FRMD4A: variants seen among roughly 807,000 people sequenced by gnomAD.
FRMD4A encodes FERM domain-containing protein 4A.
FRMD4A carries 29 observed loss-of-function variants against 129.1 expected under a neutral mutation model. That is an observed-to-expected ratio of 0.22 (90% CI 0.17 to 0.31). FRMD4A has a LOEUF of 0.31. Among genes scored for constraint, FRMD4A ranks in the 10% least tolerant of loss-of-function variants. FRMD4A has a pLI of 1.00. For synonymous variants in FRMD4A, 634 were observed against 571.6 expected (o/e 1.11, Z -1.56); for missense variants, 1,272 against 1,375.8 (o/e 0.92, Z 1.19).
chr10:13,644,948 T>A lies in FRMD4A; in HGVS notation c.*2090A>T, dbSNP rs2081027967. 1 of 152,208 alleles carries A rather than the reference T, an allele frequency of 6.6e-6. No homozygotes were observed. The highest frequency in any genetic ancestry group is 2.1e-4 in the South Asian group (1 of 4,828). The allele number at this position is 152,208 out of a possible 1,614,324, so 9.4% of individuals were successfully genotyped here. On this transcript the variant is annotated 3_prime_UTR_variant, in exon 25 of 25. Transcript: ENST00000357447. ...ACTTAAAGCGTTCTGGGAATATGAATCCCTTCTGCACCCTGGAATCACCAG... is the reference window on the plus strand; with the variant it reads ...ACTTAAAGCGTTCTGGGAATATGAAACCCTTCTGCACCCTGGAATCACCAG...
At chr10:13,666,402 C>T in intron 17 of FRMD4A, 77 bp from the exon 18 acceptor site, 1 of 998,022 alleles carries the variant, frequency 1.0e-6, no homozygotes, top group Non-Finnish European at 1.6e-6. Context: ...TCCCCTGTCC[C>T]AAGGCAAGTC....
rs1373513195 is a variant in FRMD4A, at chr10:13,821,025, C to T, written c.112-10117G>A. Among the ~76,000 whole-genome samples the T allele has an allele frequency of 3.3e-5, 5 of 152,180 alleles. No homozygotes were observed. In the South Asian group the frequency reaches 6.2e-4, roughly 19 times the overall value. The stretch of plus-strand genomic sequence containing the variant: ...GAATAAATGAGCCTGAGCAAGCTGC[C>T]GGGTCTGAAGCCTGGGCTGTCACTG... On this transcript the variant is annotated intron_variant, in intron 3 of 24. Coordinates refer to ENST00000357447, the MANE Select transcript of FRMD4A (RefSeq NM_018027.5). This position sits in a 1 kb window ranked among gnomAD's most constrained non-coding sequence, Gnocchi z 4.3.
At chr10:13,766,884 A>G (rs8181461) in intron 6 of FRMD4A, among the ~76,000 whole-genome samples, 1 of 152,074 alleles carries the variant, frequency 6.6e-6, no homozygotes, top group African/African-American at 2.4e-5. Flanking sequence ...ACCATCCTGG[A>G]CAACATGGTG....
chr10:13,715,114 A>G (rs2088654651), intron 12 of FRMD4A, among the ~76,000 whole-genome samples: 1 of 152,140 alleles, frequency 6.6e-6, no homozygotes, highest in African/African-American at 2.4e-5. Context: ...TTTTGTCTCA[A>G]ATAATCAGTA....
chr10:14,194,467 C>T (rs972142598), intron 2 of FRMD4A, among the ~76,000 whole-genome samples: 11 of 152,152 alleles, frequency 7.2e-5, no homozygotes, highest in Non-Finnish European at 1.5e-4. Flanking sequence ...AAAAATTAGC[C>T]GGGCGTGGTG....
At chr10:14,225,130 G>C (rs142881822) in intron 2 of FRMD4A, among the ~76,000 whole-genome samples, 35 of 152,170 alleles carry the variant, frequency 2.3e-4, no homozygotes, top group Admixed American at 4.6e-4. Context: ...CCAGGTGGCG[G>C]TAAGTTAATA....
chr10:14,221,164 A>G (rs981132396), intron 2 of FRMD4A, among the ~76,000 whole-genome samples: 3 of 152,156 alleles, frequency 2.0e-5, no homozygotes, highest in Admixed American at 6.5e-5. Flanking sequence ...TGATGGGGCA[A>G]AGCAGAAGCA....
intron 2 of FRMD4A, among the ~76,000 whole-genome samples, chr10:14,163,406 T>C (rs74122388): frequency 0.056 from 8,518 of 152,252 alleles, 825 homozygotes; most frequent in African/African-American, 0.2. Flanking sequence ...ATCATCCACT[T>C]GTAATAAAAG....
At chr10:13,876,614 A>C (rs1420501261) in intron 2 of FRMD4A, among the ~76,000 whole-genome samples, 3 of 152,174 alleles carry the variant, frequency 2.0e-5, no homozygotes, top group African/African-American at 7.2e-5. Flanking sequence ...GTCGTTTTAA[A>C]TGAAATTTTA....
rs77185867 is a variant in FRMD4A at position 14,081,478 on chromosome 10, A to G, written c.46-222566T>C. Among the ~76,000 whole-genome samples, 1,472 of 152,300 alleles carry G rather than the reference A, an allele frequency of 9.7e-3. 81 individuals are homozygous for G. In the East Asian group the frequency reaches 0.16, roughly 17 times the overall value. ...CTGTGCAGTGGCAGAATTGAGTGGG[A>G]ACCATGTCTGCCCCAGCAAGGAACT... On this transcript the variant is annotated intron_variant, in intron 2 of 24. Coordinates refer to ENST00000357447, the MANE Select transcript of FRMD4A (RefSeq NM_018027.5).
chr10:14,165,018 T>A (rs901409574), intron 2 of FRMD4A, among the ~76,000 whole-genome samples: 1 of 152,184 alleles, frequency 6.6e-6, no homozygotes, highest in Non-Finnish European at 1.5e-5. Flanking sequence ...TAAAAAATTA[T>A]CTTTATAGTA....
At chr10:14,259,711 T>C (rs752700859) in intron 2 of FRMD4A, among the ~76,000 whole-genome samples, 1 of 152,238 alleles carries the variant, frequency 6.6e-6, no homozygotes, top group Non-Finnish European at 1.5e-5. Flanking sequence ...CAAATTTACA[T>C]GCACAAAGAG....
intron 2 of FRMD4A, among the ~76,000 whole-genome samples, chr10:14,258,675 C>T (rs1844698557): frequency 6.6e-6 from 1 of 152,138 alleles, no homozygotes; most frequent in Admixed American, 6.5e-5. Flanking sequence ...TAGGTATTTA[C>T]TTAAAAATGA....
At chr10:14,226,960 C>A (rs773904935) in intron 2 of FRMD4A, among the ~76,000 whole-genome samples, 2 of 152,098 alleles carry the variant, frequency 1.3e-5, no homozygotes, top group African/African-American at 2.4e-5. Flanking sequence ...TTCAACGGAG[C>A]CCAATGACCC....
chr10:14,253,839 A>G (rs1844520085), intron 2 of FRMD4A, among the ~76,000 whole-genome samples: 1 of 152,166 alleles, frequency 6.6e-6, no homozygotes, highest in South Asian at 2.1e-4. Context: ...TGAGACAGCA[A>G]GAATCTTGCT....
intron 2 of FRMD4A, among the ~76,000 whole-genome samples, chr10:13,882,906 C>A (rs926757057): frequency 4.0e-5 from 6 of 151,720 alleles, no homozygotes; most frequent in Admixed American, 3.9e-4. Flanking sequence ...TGGGCTCAAG[C>A]AATCCTCCCA....
At chr10:13,929,000 T>G (rs190799349) in intron 2 of FRMD4A, among the ~76,000 whole-genome samples, 11 of 152,234 alleles carry the variant, frequency 7.2e-5, no homozygotes, top group Non-Finnish European at 1.5e-4. Flanking sequence ...GAAATTGATC[T>G]GAAAGTAACC....
chr10:13,891,743 G>T (rs1219390992), intron 2 of FRMD4A: 2 of 983,592 alleles, frequency 2.0e-6, no homozygotes, highest in African/African-American at 1.8e-5. Context: ...CGGCCTTGGC[G>T]CCCGCAGCTG....
At chr10:14,197,223 A>G (rs1016999662) in intron 2 of FRMD4A, among the ~76,000 whole-genome samples, 1 of 152,176 alleles carries the variant, frequency 6.6e-6, no homozygotes, top group Non-Finnish European at 1.5e-5. Context: ...ACAATTTTAT[A>G]CAGGCAAATC....
Sources: gnomAD v4.1 joint callset for allele counts (sites outside exome capture counted in the v4.1 genomes callset) on GRCh38, gnomAD v4.1.1 for gene constraint, Gnocchi (gnomAD v3.1) non-coding constraint, MANE v1.5 for transcripts, NCBI Gene and HGNC (gene_info 2026-07-23, HGNC 2026-07-21) for gene names.